PRTFDC1: variants seen among roughly 807,000 people sequenced by gnomAD.
PRTFDC1 encodes phosphoribosyltransferase domain-containing protein 1.
PRTFDC1 carries 38 observed loss-of-function variants against 34.6 expected under a neutral mutation model. The observed-to-expected ratio is 1.10, with a 90% CI of 0.85 to 1.44. The LOEUF is 1.44. Ranked by LOEUF, PRTFDC1 falls within the 40% of genes most tolerant of loss-of-function variation. The probability of loss-of-function intolerance (pLI) is 0.00; values close to 1 mark genes in which losing one functional copy is unlikely to be tolerated. For synonymous variants in PRTFDC1, 93 were observed against 98.1 expected (o/e 0.95, Z 0.31); for missense variants, 270 against 283.0 (o/e 0.95, Z 0.33).
chr10:24,851,226 G>A (rs113794505), intron 8 of PRTFDC1, among the ~76,000 whole-genome samples, 162 bp downstream of exon 8: 28 of 152,316 alleles, frequency 1.8e-4, no homozygotes, highest in African/African-American at 6.5e-4. Flanking sequence ...CTGCAGAATA[G>A]TAGTGGGAGT....
rs143023675 is a variant in PRTFDC1 at position 24,901,570 on chromosome 10, A to G, written c.340-29507T>C. ...CAAGACTCTGTCTCTACAGAAAGTT[A>G]AAAAAAAAATTGGCCAGGCATAGTG... On this transcript the variant is annotated intron_variant, in intron 3 of 8. Coordinates refer to ENST00000320152, the MANE Select transcript of PRTFDC1 (RefSeq NM_020200.7). 9.7e-4 allele frequency among the ~76,000 whole-genome samples: 145 copies of G among 149,860 alleles called. 1 individual carries two copies. The highest frequency in any genetic ancestry group is 3.3e-3 in the African/African-American group (135 of 41,010).
chr10:24,940,567 G>A (rs1849139426), intron 2 of PRTFDC1, among the ~76,000 whole-genome samples: 1 of 152,242 alleles, frequency 6.6e-6, no homozygotes, highest in African/African-American at 2.4e-5. Flanking sequence ...ATGTTGGCAA[G>A]TATGTGGAAA....
intron 3 of PRTFDC1, among the ~76,000 whole-genome samples, chr10:24,913,658 CT>C (rs1166194186): frequency 2.0e-5 from 3 of 152,204 alleles, no homozygotes; most frequent in Non-Finnish European, 4.4e-5. Flanking sequence ...TTCAATGCCC[CT>C]ATTACAATGT....
intron 3 of PRTFDC1, among the ~76,000 whole-genome samples, chr10:24,927,228 C>A (rs1165020382): frequency 6.6e-6 from 1 of 152,154 alleles, no homozygotes; most frequent in Admixed American, 6.5e-5. Context: ...ATCATAAATA[C>A]CTCTTAAAAA....
In PRTFDC1 at chr10:24,908,104, GT is replaced by G. The variant is rs200672515; in HGVS notation, c.339+29079del. 7.2e-3 allele frequency among the ~76,000 whole-genome samples: 1,099 copies of G among 152,278 alleles called. 18 individuals carry two copies. Among genetic ancestry groups the G allele is most frequent in the African/African-American group, 0.025 (1,045 of 41,562 alleles). On this transcript the variant is annotated intron_variant, in intron 3 of 8. Transcript: ENST00000320152. ...ATGGTCCAAGACATTTAAAATGAAT[GT>G]TGAATAAGGCCTTTTATAGTAAGTT...
chr10:24,877,869 C>T (rs1368378932), intron 3 of PRTFDC1, among the ~76,000 whole-genome samples: 2 of 152,140 alleles, frequency 1.3e-5, no homozygotes, highest in Admixed American at 6.5e-5. Context: ...AGTCTGCCTG[C>T]CTCAGCCTCC....
chr10:24,897,985 AG>A (rs1171603925), intron 3 of PRTFDC1, among the ~76,000 whole-genome samples: 1 of 152,164 alleles, frequency 6.6e-6, no homozygotes, highest in Non-Finnish European at 1.5e-5. Flanking sequence ...CCTATAATAG[AG>A]GAAGACTTGA....
rs115755967 is a variant in PRTFDC1, at chr10:24,946,542, C to T, written c.49-4106G>A. 5.6e-3 allele frequency among the ~76,000 whole-genome samples: 855 copies of T among 152,192 alleles called. 9 individuals carry two copies. The highest frequency in any genetic ancestry group is 0.02 in the African/African-American group (827 of 41,532). On this transcript the variant is annotated intron_variant, in intron 1 of 8. Coordinates refer to ENST00000320152, the MANE Select transcript of PRTFDC1 (RefSeq NM_020200.7). ...CAGAGTAGTGTGTTAAGAGCATGGA[C>T]ATGGAAATCTCACACACCTGGGACA...
intron 3 of PRTFDC1, among the ~76,000 whole-genome samples, chr10:24,934,589 C>A (rs1437312597): frequency 6.6e-6 from 1 of 152,184 alleles, no homozygotes; most frequent in Non-Finnish European, 1.5e-5. Flanking sequence ...CTTATCATAA[C>A]CCAGACATTC....
At chr10:24,946,776 A>G (rs1328974678) in intron 1 of PRTFDC1, among the ~76,000 whole-genome samples, 4 of 152,230 alleles carry the variant, frequency 2.6e-5, no homozygotes, top group Admixed American at 1.3e-4. Flanking sequence ...ACAACAAATT[A>G]TATGTTTTAA....
chr10:24,936,286 C>G (rs1475691068), intron 3 of PRTFDC1, among the ~76,000 whole-genome samples: 1 of 151,832 alleles, frequency 6.6e-6, no homozygotes, highest in Admixed American at 6.6e-5. Context: ...AAGGAAACAA[C>G]AGCTTTTTTT....
At chr10:24,910,276 A>G (rs948339453) in intron 3 of PRTFDC1, among the ~76,000 whole-genome samples, 1 of 152,238 alleles carries the variant, frequency 6.6e-6, no homozygotes, top group Non-Finnish European at 1.5e-5. Flanking sequence ...AACTAGGGGA[A>G]GAAGACAGCT....
At chr10:24,922,250 T>C (rs1848802628) in intron 3 of PRTFDC1, among the ~76,000 whole-genome samples, 1 of 152,246 alleles carries the variant, frequency 6.6e-6, no homozygotes, top group Non-Finnish European at 1.5e-5. Context: ...AATATTTTGC[T>C]GCCTGCAATT....
Position 24,914,627 on chromosome 10 carries a change from A to G in PRTFDC1, c.339+22557T>C, listed in dbSNP as rs370846744. ...GATCTGGTTTGAAGGGCAGAGTTTA[A>G]GAGAAGTCAGTGAGATTTATTTTGG... On this transcript the variant is annotated intron_variant, in intron 3 of 8. Transcript: ENST00000320152. Among the ~76,000 whole-genome samples, 14 of 152,314 alleles carry G rather than the reference A, an allele frequency of 9.2e-5. No homozygotes were observed. In the East Asian group the frequency reaches 2.3e-3, roughly 25 times the overall value.
intron 3 of PRTFDC1, among the ~76,000 whole-genome samples, chr10:24,902,449 A>C (rs1848465443): frequency 6.6e-6 from 1 of 152,168 alleles, no homozygotes; most frequent in South Asian, 2.1e-4. Context: ...GAATTCTAGG[A>C]AATGTGTAGT....
At chr10:24,950,217 A>G (rs1350046695) in intron 1 of PRTFDC1, among the ~76,000 whole-genome samples, 1 of 152,162 alleles carries the variant, frequency 6.6e-6, no homozygotes, top group African/African-American at 2.4e-5. Context: ...TTCTTTTCTA[A>G]AAGTATGTAG....
intron 3 of PRTFDC1, among the ~76,000 whole-genome samples, chr10:24,917,935 C>T (rs536367201): frequency 4.6e-5 from 7 of 152,284 alleles, no homozygotes; most frequent in African/African-American, 1.7e-4. Context: ...TGGATCTCCC[C>T]AGGCCTCTGT....
At chr10:24,909,032 T>A (rs563763388) in intron 3 of PRTFDC1, among the ~76,000 whole-genome samples, 1 of 152,344 alleles carries the variant, frequency 6.6e-6, no homozygotes, top group South Asian at 2.1e-4. Flanking sequence ...CAGTGGCTCA[T>A]GCCAGCAATC....
At chr10:24,906,619 T>C (rs576117950) in intron 3 of PRTFDC1, among the ~76,000 whole-genome samples, 36 of 152,318 alleles carry the variant, frequency 2.4e-4, no homozygotes, top group African/African-American at 8.4e-4. Context: ...ACAAAAGCTG[T>C]CTTTAATTGC....
Sources: gnomAD v4.1 joint callset for allele counts (sites outside exome capture counted in the v4.1 genomes callset) on GRCh38, gnomAD v4.1.1 for gene constraint, MANE v1.5 for transcripts, NCBI Gene and HGNC (gene_info 2026-07-23, HGNC 2026-07-21) for gene names.